GLIPR1L1: variants seen among roughly 807,000 people sequenced by gnomAD.
GLIPR1L1 encodes GLIPR1-like protein 1.
Under a neutral mutation model 29.9 loss-of-function variants are expected in GLIPR1L1, and 26 were observed. That is an observed-to-expected ratio of 0.87 (90% confidence interval 0.64 to 1.21). The LOEUF is 1.21. Among genes scored for constraint, GLIPR1L1 ranks in the 50% most tolerant of loss-of-function variants. The pLI is 0.00. For synonymous variants in GLIPR1L1, 77 were observed against 97.5 expected (o/e 0.79, Z 1.24); for missense variants, 305 against 290.3 (o/e 1.05, Z -0.37).
chr12:75,339,537 A>C (rs1300286994), intron 1 of GLIPR1L1, among the ~76,000 whole-genome samples: 1 of 152,104 alleles, frequency 6.6e-6, no homozygotes, highest in East Asian at 1.9e-4. Context: ...ACCATTCTGT[A>C]GGTTGTCTGT....
intron 3 of GLIPR1L1, among the ~76,000 whole-genome samples, chr12:75,359,519 T>C (rs1046451522): frequency 1.3e-5 from 2 of 151,738 alleles, no homozygotes; most frequent in Admixed American, 6.6e-5. Context: ...CAACTTGAAA[T>C]AGAATAAATT....
chr12:75,338,593 T>A (rs531487480), intron 1 of GLIPR1L1, among the ~76,000 whole-genome samples: 8 of 149,008 alleles, frequency 5.4e-5, no homozygotes, highest in South Asian at 2.1e-4. Flanking sequence ...AAAAGTTATT[T>A]TTTTTTTCAG....
intron 3 of GLIPR1L1, among the ~76,000 whole-genome samples, chr12:75,353,095 C>T (rs1383092643): frequency 6.6e-6 from 1 of 151,900 alleles, no homozygotes; most frequent in Non-Finnish European, 1.5e-5. Context: ...ACTAGAGAAC[C>T]AAGAGCAAAC....
rs549697691 is a variant in GLIPR1L1 at position 75,362,806 on chromosome 12, T to A, written c.522-296T>A. ...TTTCATGTACAAAATGAAGAAATAATCATACTATCTATGACAAAAACTTTG... is the reference window on the plus strand; with the variant it reads ...TTTCATGTACAAAATGAAGAAATAAACATACTATCTATGACAAAAACTTTG... On this transcript the variant is annotated intron_variant, in intron 3 of 5. Coordinates refer to ENST00000378695, the MANE Select transcript of GLIPR1L1 (RefSeq NM_001304964.2). 1.1e-4 allele frequency among the ~76,000 whole-genome samples: 17 copies of A among 152,290 alleles called. No homozygotes were observed. In the South Asian group the frequency reaches 3.5e-3, roughly 32 times the overall value.
intron 1 of GLIPR1L1, among the ~76,000 whole-genome samples, chr12:75,342,059 T>C (rs566877322): frequency 3.8e-4 from 58 of 152,260 alleles, no homozygotes; most frequent in African/African-American, 1.3e-3. Flanking sequence ...TTATACAACA[T>C]TCTTGAAATA....
intron 3 of GLIPR1L1, chr12:75,360,128 A>T (rs1355677674): frequency 6.6e-6 from 1 of 152,116 alleles, no homozygotes; most frequent in Non-Finnish European, 1.5e-5. Context: ...CTCTCTCAAC[A>T]TGTGGAGATT....
intron 1 of GLIPR1L1, among the ~76,000 whole-genome samples, chr12:75,338,685 A>T (rs1278550474): frequency 6.6e-6 from 1 of 152,048 alleles, no homozygotes; most frequent in Non-Finnish European, 1.5e-5. Context: ...TGCTGCACAG[A>T]TCAACCAATC....
chr12:75,369,988 T>C lies in GLIPR1L1; in HGVS notation c.637+2T>C, dbSNP rs772098621. Reference sequence around the variant, plus strand: ...CTCCACAACTTATTATACCTAACCGTATGTATCAAAATATTTTAGTATTAA... The same window carrying C: ...CTCCACAACTTATTATACCTAACCGCATGTATCAAAATATTTTAGTATTAA... On this transcript the variant is annotated splice_donor_variant, in intron 5 of 5. Coordinates refer to ENST00000378695, the MANE Select transcript of GLIPR1L1 (RefSeq NM_001304964.2). LOFTEE classifies it high-confidence loss of function. 12 of 1,088,402 alleles carry C rather than the reference T, an allele frequency of 1.1e-5. No individual in the cohort carries two copies. The South Asian group carries it at 1.5e-4, about 14-fold the overall frequency. 67.4% of individuals were successfully genotyped at this position (1,088,402 alleles called of 1,614,324 possible). A position where few individuals can be genotyped will look rare whatever the true frequency, so the allele number is the denominator to read the frequency against.
intron 3 of GLIPR1L1, among the ~76,000 whole-genome samples, chr12:75,356,411 A>G (rs1482288350): frequency 6.6e-6 from 1 of 152,164 alleles, no homozygotes; most frequent in Non-Finnish European, 1.5e-5. Context: ...GTATTGTGAT[A>G]TTGTATATGT....
intron 1 of GLIPR1L1, among the ~76,000 whole-genome samples, chr12:75,337,632 G>A (rs2041827074): frequency 6.6e-6 from 1 of 151,878 alleles, no homozygotes; most frequent in Non-Finnish European, 1.5e-5. Flanking sequence ...TTTTACATAT[G>A]TATACGTCAG....
In GLIPR1L1 at chr12:75,363,091, CTT is replaced by C; in HGVS notation, c.522-6_522-5del. 2.0e-6 allele frequency: 3 copies of C among 1,483,920 alleles called. No homozygotes were observed. Among genetic ancestry groups the C allele is most frequent in the Non-Finnish European group, 2.7e-6 (3 of 1,095,694 alleles). 91.9% of individuals were successfully genotyped at this position (1,483,920 alleles called of 1,614,324 possible). A position where few individuals can be genotyped will look rare whatever the true frequency, so the allele number is the denominator to read the frequency against. On this transcript the variant is annotated splice_polypyrimidine_tract_variant and intron_variant, in intron 3 of 5. Coordinates refer to ENST00000378695, the MANE Select transcript of GLIPR1L1 (RefSeq NM_001304964.2). The stretch of plus-strand genomic sequence containing the variant: ...AGCCATTTGGCTAATCAATGTTTCT[CTT>C]TTTTACAGAGGAAATTTTGCAAATA...
chr12:75,369,174 A>G (rs1253830713), intron 4 of GLIPR1L1, among the ~76,000 whole-genome samples: 3 of 151,998 alleles, frequency 2.0e-5, no homozygotes, highest in African/African-American at 7.2e-5. Context: ...TTAAATACAC[A>G]AAATTATTTG....
chr12:75,356,073 A>G (rs2043138777), intron 3 of GLIPR1L1, among the ~76,000 whole-genome samples: 1 of 152,080 alleles, frequency 6.6e-6, no homozygotes, highest in African/African-American at 2.4e-5. Context: ...AGCAAACCAC[A>G]ATGGCACACA....
chr12:75,343,549 A>G (rs2042255085), intron 1 of GLIPR1L1, 144 bp from the exon 2 acceptor site: 6 of 645,238 alleles, frequency 9.3e-6, no homozygotes, highest in Non-Finnish European at 1.5e-5. Flanking sequence ...AGAAATCACT[A>G]ACTATGCACA....
chr12:75,342,016 T>G (rs1248232513), intron 1 of GLIPR1L1, among the ~76,000 whole-genome samples: 1 of 152,158 alleles, frequency 6.6e-6, no homozygotes, highest in East Asian at 1.9e-4. Context: ...GTGCTGGGAT[T>G]ACAGGCATGA....
intron 1 of GLIPR1L1, 85 bp from the exon 2 acceptor site, chr12:75,343,608 G>A: frequency 3.8e-6 from 4 of 1,043,894 alleles, no homozygotes; most frequent in Non-Finnish European, 5.4e-6. Context: ...ATAAATTTAA[G>A]CAAAACTTAG....
At chr12:75,358,717 TATATA>T (rs201071454) in intron 3 of GLIPR1L1, among the ~76,000 whole-genome samples, 1,980 of 139,814 alleles carry the variant, frequency 0.014, 27 homozygotes, top group East Asian at 0.02. Flanking sequence ...TTAAACCATA[TATATA>T]ATATATTATA....
Position 75,367,009 on chromosome 12 carries a change from A to G in GLIPR1L1, c.611-2951A>G, listed in dbSNP as rs376503343. 3 of 701,544 alleles carry G rather than the reference A, an allele frequency of 4.3e-6. No individual in the cohort carries two copies. In the African/African-American group the frequency reaches 5.2e-5, roughly 12 times the overall value. 43.5% of individuals were successfully genotyped at this position (701,544 alleles called of 1,614,324 possible). A position where few individuals can be genotyped will look rare whatever the true frequency, so the allele number is the denominator to read the frequency against. ...AAAATGTCCTTTCTCTTCAGAGCTG[A>G]GGAGGTAAGTCTCTCATTTATCTCT... On this transcript the variant is annotated intron_variant, in intron 4 of 5. Transcript: ENST00000378695.
At chr12:75,335,568 T>C (rs757189134) in intron 1 of GLIPR1L1, among the ~76,000 whole-genome samples, 1 of 152,196 alleles carries the variant, frequency 6.6e-6, no homozygotes, top group Non-Finnish European at 1.5e-5. Context: ...GCTATGCAGA[T>C]GTAGATACAG....
Sources: gnomAD v4.1 joint callset for allele counts (sites outside exome capture counted in the v4.1 genomes callset) on GRCh38, gnomAD v4.1.1 for gene constraint, MANE v1.5 for transcripts, NCBI Gene and HGNC (gene_info 2026-07-23, HGNC 2026-07-21) for gene names.